Variants in PARD3B observed in about 807,000 individuals in gnomAD.
PARD3B encodes par-3 family cell polarity regulator beta.
A neutral mutation model predicts 130.2 loss-of-function variants in PARD3B; 103 were observed. The ratio of observed to expected loss-of-function variants is 0.79; its 90% CI spans 0.67 to 0.93. The LOEUF (loss-of-function observed/expected upper bound fraction) is 0.93, where lower values mean the gene tolerates loss of function less well. Among genes scored for constraint, PARD3B ranks in the 40% least tolerant of loss-of-function variants. The probability of loss-of-function intolerance (pLI) is 0.00; values close to 1 mark genes in which losing one functional copy is unlikely to be tolerated. For missense variants in PARD3B, 1,609 were observed against 1,499.2 expected (o/e 1.07, Z -1.21); for synonymous variants, 583 against 553.2 (o/e 1.05, Z -0.76).
chr2:205,194,727 A>G (rs969515), intron 15 of PARD3B, among the ~76,000 whole-genome samples: 70,909 of 151,900 alleles, frequency 0.47, 17,177 homozygotes, highest in East Asian at 0.63. Context: ...CCTGTAAAAA[A>G]TAAAACCAAA....
At chr2:204,563,959 G>A (rs530543034) in intron 1 of PARD3B, among the ~76,000 whole-genome samples, 133 of 152,022 alleles carry the variant, frequency 8.7e-4, no homozygotes, top group Non-Finnish European at 1.2e-3. Flanking sequence ...TATTTTTAGT[G>A]GAGACGGGGT....
At chr2:205,556,952 T>TG (rs1390585284) in intron 22 of PARD3B, among the ~76,000 whole-genome samples, 1 of 152,146 alleles carries the variant, frequency 6.6e-6, no homozygotes, top group Non-Finnish European at 1.5e-5. Context: ...GGCCTCCTTG[T>TG]GGTCAGTCCC....
chr2:204,689,558 C>G lies in PARD3B; in HGVS notation c.222+3276C>G, dbSNP rs964714770. On this transcript the variant is annotated intron_variant, in intron 2 of 22. Coordinates refer to ENST00000406610, the MANE Select transcript of PARD3B (RefSeq NM_001302769.2). The surrounding 1 kb of genome is among the most constrained non-coding windows in gnomAD (Gnocchi z 5.2). Reference sequence around the variant, plus strand: ...GAATTGTAATTTTACACTCATGTCTCCTCTCTGGTTGCTAAAGGCTACCAA... The same window carrying G: ...GAATTGTAATTTTACACTCATGTCTGCTCTCTGGTTGCTAAAGGCTACCAA... 1.1e-4 allele frequency among the ~76,000 whole-genome samples: 17 copies of G among 152,058 alleles called. No individual in the cohort carries two copies. Among genetic ancestry groups the G allele is most frequent in the African/African-American group, 3.6e-4 (15 of 41,410 alleles).
At chr2:204,793,156 C>G (rs1429632297) in intron 2 of PARD3B, among the ~76,000 whole-genome samples, 1 of 152,156 alleles carries the variant, frequency 6.6e-6, no homozygotes, top group Non-Finnish European at 1.5e-5. Context: ...ATATATGAGG[C>G]TTGCTGTATT....
At chr2:204,555,297 A>G (rs1402945321) in intron 1 of PARD3B, among the ~76,000 whole-genome samples, 1 of 152,116 alleles carries the variant, frequency 6.6e-6, no homozygotes, top group Admixed American at 6.5e-5. Flanking sequence ...GGTGGCTCAC[A>G]CCTGTAATCC....
At chr2:205,079,493 G>A (rs1008290600) in intron 4 of PARD3B, among the ~76,000 whole-genome samples, 1 of 152,010 alleles carries the variant, frequency 6.6e-6, no homozygotes, top group Non-Finnish European at 1.5e-5. Context: ...GAGCAAAAGG[G>A]ACAAAAAAGG....
At chr2:204,912,411 T>G (rs2047273455) in intron 2 of PARD3B, among the ~76,000 whole-genome samples, 1 of 152,194 alleles carries the variant, frequency 6.6e-6, no homozygotes, top group South Asian at 2.1e-4. Context: ...TTTGTTATCA[T>G]GTCATATTAA....
intron 16 of PARD3B, among the ~76,000 whole-genome samples, chr2:205,246,448 C>T (rs1156839186): frequency 6.6e-6 from 1 of 152,126 alleles, no homozygotes; most frequent in Non-Finnish European, 1.5e-5. Context: ...CCTTCTATTC[C>T]TTTTTCCTTC....
chr2:205,377,201 C>T (rs535431779), intron 18 of PARD3B, among the ~76,000 whole-genome samples: 1 of 152,194 alleles, frequency 6.6e-6, no homozygotes, highest in Admixed American at 6.5e-5. Flanking sequence ...GGAAATGCAA[C>T]CTTAGTTAGA....
chr2:205,193,862 G>T (rs2036529850), intron 15 of PARD3B, among the ~76,000 whole-genome samples: 1 of 152,136 alleles, frequency 6.6e-6, no homozygotes, highest in Non-Finnish European at 1.5e-5. Flanking sequence ...GGGTCTCTTG[G>T]GCGTGCCACA....
At chr2:205,115,985 A>T (rs1270548005) in intron 6 of PARD3B, among the ~76,000 whole-genome samples, 1 of 152,020 alleles carries the variant, frequency 6.6e-6, no homozygotes, top group Non-Finnish European at 1.5e-5. Context: ...GTTGAATAAG[A>T]AACCTAATCT....
chr2:204,964,971 C>T (rs1431963811), intron 2 of PARD3B, among the ~76,000 whole-genome samples, 181 bp from the exon 3 acceptor site: 2 of 152,046 alleles, frequency 1.3e-5, no homozygotes, highest in African/African-American at 2.4e-5. Flanking sequence ...TATTTCTTGA[C>T]CATGGTGCTT....
In PARD3B at chr2:205,513,068, C is replaced by G. The variant is rs539188602; in HGVS notation, c.3180+13037C>G. Among the ~76,000 whole-genome samples, 192 of 151,222 alleles carry G rather than the reference C, an allele frequency of 1.3e-3. 2 individuals carry two copies. Among genetic ancestry groups the G allele is most frequent in the Non-Finnish European group, 2.2e-3 (148 of 67,854 alleles). On this transcript the variant is annotated intron_variant, in intron 21 of 22. Coordinates refer to ENST00000406610, the MANE Select transcript of PARD3B (RefSeq NM_001302769.2). Reference sequence around the variant, plus strand: ...GCAGTAATTTCCCAGATTTCAATTGCCAGGCGTGCTTCAGCAGCAATGTAC... The same window carrying G: ...GCAGTAATTTCCCAGATTTCAATTGGCAGGCGTGCTTCAGCAGCAATGTAC...
At chr2:205,005,999 T>C (rs1402895687) in intron 3 of PARD3B, among the ~76,000 whole-genome samples, 1 of 152,188 alleles carries the variant, frequency 6.6e-6, no homozygotes, top group East Asian at 1.9e-4. Flanking sequence ...AAGTTCATTA[T>C]ATTAGTCTTA....
chr2:205,366,297 A>C lies in PARD3B; in HGVS notation c.2631-34716A>C, dbSNP rs2044606852. Among the ~76,000 whole-genome samples the C allele has an allele frequency of 6.6e-6, 1 of 152,198 alleles. No homozygotes were observed. Among genetic ancestry groups the C allele is most frequent in the Non-Finnish European group, 1.5e-5 (1 of 68,032 alleles). The stretch of plus-strand genomic sequence containing the variant: ...GAGTTAGAATTTTAAATTTTTCCTG[A>C]ATAACCTCAATAGACTAATAATCAA... On this transcript the variant is annotated intron_variant, in intron 18 of 22. Coordinates refer to ENST00000406610, the MANE Select transcript of PARD3B (RefSeq NM_001302769.2). The surrounding 1 kb of genome is among the most constrained non-coding windows in gnomAD (Gnocchi z 5.0).
At chr2:204,737,193 A>C (rs1029161558) in intron 2 of PARD3B, among the ~76,000 whole-genome samples, 2 of 152,204 alleles carry the variant, frequency 1.3e-5, no homozygotes, top group Admixed American at 6.5e-5. Context: ...GCTGGTCTCG[A>C]CCTCAGGTGA....
At chr2:204,951,456 A>G (rs1335511586) in intron 2 of PARD3B, among the ~76,000 whole-genome samples, 1 of 152,110 alleles carries the variant, frequency 6.6e-6, no homozygotes, top group African/African-American at 2.4e-5. Flanking sequence ...TCCTAACTGT[A>G]TTACCATCTG....
chr2:205,552,841 A>C (rs1421823380), intron 21 of PARD3B, among the ~76,000 whole-genome samples: 1 of 152,156 alleles, frequency 6.6e-6, no homozygotes, highest in Admixed American at 6.5e-5. Context: ...AATCTAAATA[A>C]ACTATAGACT....
In PARD3B at chr2:205,470,784, T is replaced by C. The variant is rs978152271; in HGVS notation, c.3045-29112T>C. Among the ~76,000 whole-genome samples the C allele has an allele frequency of 6.6e-6, 1 of 152,202 alleles. No individual in the cohort carries two copies. Among genetic ancestry groups the C allele is most frequent in the Non-Finnish European group, 1.5e-5 (1 of 68,042 alleles). Reference sequence around the variant, plus strand: ...TGAGACAGGGCAGAGAAAGTCATGTTTGACTCTATTAGGAAAAATTCTATG... The same window carrying C: ...TGAGACAGGGCAGAGAAAGTCATGTCTGACTCTATTAGGAAAAATTCTATG... On this transcript the variant is annotated intron_variant, in intron 20 of 22. Coordinates refer to ENST00000406610, the MANE Select transcript of PARD3B (RefSeq NM_001302769.2). This position sits in a 1 kb window ranked among gnomAD's most constrained non-coding sequence, Gnocchi z 4.8.
Sources: gnomAD v4.1 joint callset for allele counts (sites outside exome capture counted in the v4.1 genomes callset) on GRCh38, gnomAD v4.1.1 for gene constraint, Gnocchi (gnomAD v3.1) non-coding constraint, MANE v1.5 for transcripts, NCBI Gene and HGNC (gene_info 2026-07-23, HGNC 2026-07-21) for gene names.